AP4E1: variants seen among roughly 807,000 people sequenced by gnomAD.
The protein encoded by AP4E1 is adaptor related protein complex 4 subunit epsilon 1.
In AP4E1, 56 loss-of-function variants were observed where a neutral mutation model predicts 128.2. The ratio of observed to expected loss-of-function variants is 0.44; its 90% CI spans 0.35 to 0.55. The LOEUF (loss-of-function observed/expected upper bound fraction) is 0.55, where lower values mean the gene tolerates loss of function less well. Among genes scored for constraint, AP4E1 ranks in the 20% least tolerant of loss-of-function variants. The pLI, the probability that AP4E1 is intolerant of heterozygous loss-of-function variation, is 0.00. For synonymous variants in AP4E1, 484 were observed against 473.1 expected (o/e 1.02, Z -0.30); for missense variants, 1,324 against 1,307.7 (o/e 1.01, Z -0.19).
chr15:50,921,584 C>T (rs904936984), intron 3 of AP4E1, among the ~76,000 whole-genome samples: 19 of 152,170 alleles, frequency 1.2e-4, no homozygotes, highest in African/African-American at 3.1e-4. Context: ...CTCCTGACTT[C>T]GAGTGATCCG....
At chr15:50,909,899 A>T (rs1005109264) in intron 1 of AP4E1, among the ~76,000 whole-genome samples, 1 of 152,074 alleles carries the variant, frequency 6.6e-6, no homozygotes, top group Admixed American at 6.5e-5. Flanking sequence ...GTTAGCGAGG[A>T]TGGTCTCGAT....
chr15:50,937,553 C>A (rs2063923105), intron 8 of AP4E1, among the ~76,000 whole-genome samples: 1 of 152,114 alleles, frequency 6.6e-6, no homozygotes, highest in Non-Finnish European at 1.5e-5. Flanking sequence ...TTCATGAAAG[C>A]TTAATACCAG....
At chr15:50,944,487 A>G (rs541951428) in intron 10 of AP4E1, among the ~76,000 whole-genome samples, 18 of 152,230 alleles carry the variant, frequency 1.2e-4, no homozygotes, top group Non-Finnish European at 1.5e-4. Context: ...TGGAGTTCAC[A>G]GGGAGCATGT....
At chr15:50,990,342 A>ATT (rs1169677057) in intron 16 of AP4E1, among the ~76,000 whole-genome samples, 33 of 85,662 alleles carry the variant, frequency 3.9e-4, no homozygotes, top group Non-Finnish European at 6.7e-4. Flanking sequence ...TTATTTATTT[A>ATT]ATTTATTATT....
rs765678833 is a variant in AP4E1 at position 50,930,793 on chromosome 15, G to C, written c.703-12G>C. On this transcript the variant is annotated splice_polypyrimidine_tract_variant and intron_variant, in intron 6 of 20. Transcript: ENST00000261842. Reference sequence around the variant, plus strand: ...ACGTTATTAACAAAGTTTTTTTTGCGGGGGGATGTAGGAGAATTCATCTGG... The same window carrying C: ...ACGTTATTAACAAAGTTTTTTTTGCCGGGGGATGTAGGAGAATTCATCTGG... 12 of 1,611,380 alleles carry C rather than the reference G, an allele frequency of 7.4e-6. No homozygotes were observed. The highest frequency in any genetic ancestry group is 1.0e-5 in the Non-Finnish European group (12 of 1,179,132).
rs1255535179 is a variant in AP4E1 at position 50,941,757 on chromosome 15, T to C, written c.1158T>C (p.Asp386=). The change falls in exon 10 of 21, where the codon GAT becomes GAC. Residue 386 remains aspartate (D), a synonymous_variant. Transcript: ENST00000261842. ...TAATTGAATGTTTAGATCATCCTGA[T>C]CCCATTATTAAAAGAGAGGTAAACT... The part of the protein sequence containing the change: ...MTIIECLDHP[D]PIIKRETLEL... 6.2e-7 allele frequency: 1 copy of C among 1,610,254 alleles called. No homozygotes were observed. Among genetic ancestry groups the C allele is most frequent in the South Asian group, 1.1e-5 (1 of 90,996 alleles).
rs1486296723 is a variant in AP4E1, at chr15:50,984,028, A to G, written c.1973A>G (p.Asn658Ser). 2 of 1,612,850 alleles carry G rather than the reference A, an allele frequency of 1.2e-6. No individual in the cohort carries two copies. The highest frequency in any genetic ancestry group is 3.3e-5 in the Admixed American group (2 of 59,936). ...EEKLSQEKVL[N>S]FEPYGLSFSS... The stretch of plus-strand genomic sequence containing the variant: ...TATTATTTTAAAATTCTAGTTCTCA[A>G]TTTTGAACCATATGGACTCTCCTTT... Residue 658 changes from asparagine to serine, a missense_variant, in exon 16 of 21, where the codon AAT (asparagine) becomes AGT (serine). Physicochemically the swap from Asn to Ser is conservative, Grantham distance 46. Coordinates refer to ENST00000261842, the MANE Select transcript of AP4E1 (RefSeq NM_007347.5).
chr15:50,979,789 TG>T (rs1348948183), intron 15 of AP4E1, among the ~76,000 whole-genome samples: 3 of 152,132 alleles, frequency 2.0e-5, no homozygotes, highest in Non-Finnish European at 4.4e-5. Flanking sequence ...CCTCCCAAAG[TG>T]CTGGAATTAC....
At chr15:50,962,735 G>A (rs1465252278) in intron 14 of AP4E1, among the ~76,000 whole-genome samples, 1 of 151,592 alleles carries the variant, frequency 6.6e-6, no homozygotes, top group African/African-American at 2.4e-5. Flanking sequence ...AGGCAAAAAA[G>A]ACAAAAATGA....
intron 5 of AP4E1, among the ~76,000 whole-genome samples, chr15:50,926,587 G>T (rs1290908292): frequency 1.3e-5 from 2 of 150,806 alleles, no homozygotes; most frequent in African/African-American, 4.9e-5. Flanking sequence ...GCAAAATGTT[G>T]TTTTATAGCT....
At chr15:50,928,485 G>A (rs557580851) in intron 5 of AP4E1, among the ~76,000 whole-genome samples, 1 of 151,934 alleles carries the variant, frequency 6.6e-6, no homozygotes, top group East Asian at 1.9e-4. Context: ...ACAGGGTTTC[G>A]CCATGTTGGC....
chr15:50,967,342 G>C (rs2064407401), intron 14 of AP4E1, among the ~76,000 whole-genome samples: 1 of 152,198 alleles, frequency 6.6e-6, no homozygotes, highest in South Asian at 2.1e-4. Flanking sequence ...AGCTAGGCAT[G>C]ATATAATCAC....
chr15:50,922,726 TC>T (rs1353193008), intron 3 of AP4E1, among the ~76,000 whole-genome samples: 1 of 151,906 alleles, frequency 6.6e-6, no homozygotes, highest in Non-Finnish European at 1.5e-5. Flanking sequence ...TGGGTTTGAG[TC>T]CTGGCTCCAC....
In AP4E1 at chr15:50,929,182, T is replaced by G. The variant is rs1164292606; in HGVS notation, c.702+14T>G. 1 of 1,612,698 alleles carries G rather than the reference T, an allele frequency of 6.2e-7. No individual in the cohort carries two copies. The highest frequency in any genetic ancestry group is 2.2e-5 in the East Asian group (1 of 44,772). ...AGAATGATTAAGGTAAGTTGGAAAT[T>G]TTAGCAAGTACTGAGTAGTTACCAT... On this transcript the variant is annotated intron_variant, in intron 6 of 20. Transcript: ENST00000261842.
chr15:50,919,739 A>G (rs1031292977), intron 3 of AP4E1, among the ~76,000 whole-genome samples: 1 of 151,890 alleles, frequency 6.6e-6, no homozygotes, highest in Admixed American at 6.6e-5. Context: ...CAGGCATCAG[A>G]TGTTTTTAAT....
chr15:50,950,525 A>T (rs926877559), intron 13 of AP4E1, among the ~76,000 whole-genome samples: 4 of 152,192 alleles, frequency 2.6e-5, no homozygotes, highest in African/African-American at 9.6e-5. Context: ...ACCAAATAGA[A>T]GGAGGTTCAT....
At chr15:50,960,511 A>G (rs1239138561) in intron 14 of AP4E1, among the ~76,000 whole-genome samples, 2 of 152,118 alleles carry the variant, frequency 1.3e-5, no homozygotes, top group South Asian at 2.1e-4. Context: ...AAAACAGCAT[A>G]TTTCTGAGTG....
chr15:50,928,747 G>T (rs1596464078), intron 5 of AP4E1, among the ~76,000 whole-genome samples: 3 of 144,082 alleles, frequency 2.1e-5, no homozygotes, highest in Non-Finnish European at 1.5e-5. Flanking sequence ...AGTAATATAT[G>T]CTTGTTACAA....
intron 13 of AP4E1, among the ~76,000 whole-genome samples, chr15:50,950,544 G>T (rs2064134749): frequency 6.6e-6 from 1 of 152,000 alleles, no homozygotes; most frequent in Non-Finnish European, 1.5e-5. Context: ...ATCTTTAAGA[G>T]GCATTTTCAA....
Sources: allele counts gnomAD v4.1 joint callset (sites outside exome capture counted in the v4.1 genomes callset), GRCh38; gene constraint gnomAD v4.1.1; transcripts MANE v1.5; gene names NCBI Gene and HGNC (gene_info 2026-07-23, HGNC 2026-07-21).